SAMSN1: variants seen among roughly 807,000 people sequenced by gnomAD.
SAMSN1 encodes SAM domain, SH3 domain and nuclear localization signals 1.
In SAMSN1, 31 loss-of-function variants were observed where a neutral mutation model predicts 42.0. The ratio of observed to expected loss-of-function variants is 0.74; its 90% confidence interval spans 0.55 to 1.00. The LOEUF (loss-of-function observed/expected upper bound fraction) is 1.00. Among genes scored for constraint, SAMSN1 ranks in the 50% least tolerant of loss-of-function variants. The pLI, the probability that SAMSN1 is intolerant of heterozygous loss-of-function variation, is 0.00. For missense variants in SAMSN1, 464 were observed against 439.4 expected, an observed-to-expected ratio of 1.06 and a Z score of -0.50; for synonymous variants, 178 against 151.9, an observed-to-expected ratio of 1.17 and a Z score of -1.26.
intron 1 of SAMSN1, among the ~76,000 whole-genome samples, chr21:14,645,683 C>A (rs1476957098): frequency 6.6e-6 from 1 of 152,120 alleles, no homozygotes; most frequent in Non-Finnish European, 1.5e-5. Context: ...CACCAGGGAC[C>A]AATCCTGGAG....
intron 1 of SAMSN1, among the ~76,000 whole-genome samples, chr21:14,542,734 T>C (rs1980124811): frequency 1.3e-5 from 2 of 152,036 alleles, no homozygotes; most frequent in African/African-American, 4.8e-5. Flanking sequence ...CACTTGAACA[T>C]AGGAGTTTGA....
chr21:14,502,481 AT>A (rs1987208698), intron 5 of SAMSN1, among the ~76,000 whole-genome samples: 2 of 152,204 alleles, frequency 1.3e-5, no homozygotes, highest in South Asian at 4.1e-4. Context: ...ACTCAATTTC[AT>A]TTTGGATAAG....
rs957170221 is a variant in SAMSN1 at position 14,485,292 on chromosome 21, A to C, written c.*620T>G. 1.3e-5 allele frequency: 2 copies of C among 152,248 alleles called. No homozygotes were observed. Among genetic ancestry groups the C allele is most frequent in the Non-Finnish European group, 1.5e-5 (1 of 68,052 alleles). The allele number at this position is 152,248 out of a possible 1,614,324, so 9.4% of individuals were successfully genotyped here. A position where few individuals can be genotyped will look rare whatever the true frequency, so the allele number is the denominator to read the frequency against. ...GTATGTCAAATTTTAAAATATTTAC[A>C]CTTAAAGACAAAACATTTCCACAAT... On this transcript the variant is annotated 3_prime_UTR_variant, in exon 8 of 8. Coordinates refer to ENST00000400566, the MANE Select transcript of SAMSN1 (RefSeq NM_022136.5).
intron 1 of SAMSN1, among the ~76,000 whole-genome samples, chr21:14,537,375 A>T (rs1568795658): frequency 1.3e-5 from 2 of 151,132 alleles, no homozygotes; most frequent in African/African-American, 4.9e-5. Flanking sequence ...TTTTCTGTTA[A>T]TTTTTTTTTC....
At chr21:14,582,563 A>G (rs949606873) in intron 1 of SAMSN1, 1 of 603,686 alleles carries the variant, frequency 1.7e-6, no homozygotes, top group Middle Eastern at 2.7e-4. Context: ...CCATTTATAT[A>G]AGAGAAATAA....
At chr21:14,490,960 C>G (rs531553767) in intron 7 of SAMSN1, among the ~76,000 whole-genome samples, 1 of 152,314 alleles carries the variant, frequency 6.6e-6, no homozygotes, top group South Asian at 2.1e-4. Flanking sequence ...CATTAGACTG[C>G]TACTCTCCCC....
At chr21:14,649,198 C>T (rs1380278755) in intron 1 of SAMSN1, among the ~76,000 whole-genome samples, 2 of 147,582 alleles carry the variant, frequency 1.4e-5, no homozygotes, top group Non-Finnish European at 3.0e-5. Flanking sequence ...AGCATATTCT[C>T]ACTCATAGGT....
chr21:14,612,964 T>G (rs985865943), intron 3 of SAMSN1: 31 of 662,668 alleles, frequency 4.7e-5, no homozygotes, highest in Non-Finnish European at 8.0e-5. Flanking sequence ...ATAAATAACA[T>G]TTTAATCAAA....
At chr21:14,590,352 A>G (rs1982045578) in intron 7 of SAMSN1, among the ~76,000 whole-genome samples, 1 of 151,844 alleles carries the variant, frequency 6.6e-6, no homozygotes, top group African/African-American at 2.4e-5. Flanking sequence ...ATAAGAACTT[A>G]CTGTAGCTTT....
At chr21:14,517,215 C>G (rs1346339841) in intron 2 of SAMSN1, among the ~76,000 whole-genome samples, 174 bp from the exon 3 acceptor site, 1 of 152,180 alleles carries the variant, frequency 6.6e-6, no homozygotes, top group South Asian at 2.1e-4. Flanking sequence ...TTGTCCAGCC[C>G]TGGTTGCTTG....
intron 1 of SAMSN1, among the ~76,000 whole-genome samples, chr21:14,537,279 A>G (rs888803848): frequency 6.6e-6 from 1 of 152,108 alleles, no homozygotes; most frequent in African/African-American, 2.4e-5. Flanking sequence ...CAATCCCAAG[A>G]CCAGCTCCTT....
At chr21:14,504,204 C>T (rs1298372475) in intron 5 of SAMSN1, among the ~76,000 whole-genome samples, 1 of 152,054 alleles carries the variant, frequency 6.6e-6, no homozygotes, top group East Asian at 1.9e-4. Context: ...TTCTTTAACA[C>T]CATCAAAAAA....
chr21:14,516,088 A>T (rs1468904974), intron 3 of SAMSN1, among the ~76,000 whole-genome samples: 2 of 152,232 alleles, frequency 1.3e-5, no homozygotes, highest in African/African-American at 4.8e-5. Context: ...ACCTGCTTAA[A>T]AAAACAATTT....
chr21:14,509,755 C>G (rs1987594179), intron 5 of SAMSN1, among the ~76,000 whole-genome samples: 1 of 152,154 alleles, frequency 6.6e-6, no homozygotes, highest in African/African-American at 2.4e-5. Context: ...CCCTGATAGA[C>G]TCTGAACCTG....
chr21:14,658,897 C>T, upstream of SAMSN1: 1 of 656,974 alleles, frequency 1.5e-6, no homozygotes, highest in Non-Finnish European at 2.8e-6. Flanking sequence ...AAATCCCTGC[C>T]ATAATCCAGG....
At chr21:14,543,305 A>G (rs1980161353) in intron 1 of SAMSN1, among the ~76,000 whole-genome samples, 1 of 152,182 alleles carries the variant, frequency 6.6e-6, no homozygotes, top group Non-Finnish European at 1.5e-5. Context: ...GAGAACCTAT[A>G]CTAAAAATAG....
intron 1 of SAMSN1, among the ~76,000 whole-genome samples, chr21:14,534,516 CT>C (rs1195215546): frequency 3.7e-4 from 32 of 87,144 alleles, no homozygotes; most frequent in Admixed American, 3.3e-3. Context: ...GAGGGAGAGA[CT>C]TTTTTTCTTT....
intron 2 of SAMSN1, among the ~76,000 whole-genome samples, chr21:14,578,716 T>A (rs7281229): frequency 1 from 143,398 of 143,410 alleles, 71,693 homozygotes; most frequent in Middle Eastern, 1. Flanking sequence ...GACCCCAAGA[T>A]TGTACTATTC....
At position 14,580,190 on chromosome 21, in the gene SAMSN1, C is replaced by T. The variant is rs12233330; in HGVS notation, c.261+1946G>A. Among the ~76,000 whole-genome samples, 5 of 152,252 alleles carry T rather than the reference C, an allele frequency of 3.3e-5. No individual in the cohort carries two copies. In the East Asian group the frequency reaches 9.6e-4, roughly 29 times the overall value. ...TATCAGGCAGAGGCCATCACACTGTCACAAAGATAGAGGGAAGAAAGTGTG... is the reference window on the plus strand; with the variant it reads ...TATCAGGCAGAGGCCATCACACTGTTACAAAGATAGAGGGAAGAAAGTGTG... On this transcript the variant is annotated intron_variant, in intron 2 of 8. Transcript: ENST00000285670.
Sources: allele counts gnomAD v4.1 joint callset (sites outside exome capture counted in the v4.1 genomes callset), GRCh38; gene constraint gnomAD v4.1.1; transcripts MANE v1.5; gene names NCBI Gene and HGNC (gene_info 2026-07-23, HGNC 2026-07-21).